Variants in EDEM3 observed in about 807,000 individuals in gnomAD.
The protein encoded by EDEM3 is ER degradation enhancing alpha-mannosidase like protein 3, also known as ER degradation-enhancing alpha-mannosidase-like protein 3.
In EDEM3, 60 loss-of-function variants were observed where a neutral mutation model predicts 110.2. The ratio of observed to expected loss-of-function variants is 0.54; its 90% CI spans 0.44 to 0.67. EDEM3 has a LOEUF of 0.67. Among genes scored for constraint, EDEM3 ranks in the 30% least tolerant of loss-of-function variants. The probability of loss-of-function intolerance (pLI) is 0.00; values close to 1 mark genes in which losing one functional copy is unlikely to be tolerated. For synonymous variants in EDEM3, 352 were observed against 382.9 expected (o/e 0.92, Z 0.94); for missense variants, 996 against 1,121.0 (o/e 0.89, Z 1.59).
chr1:184,702,226 A>G (rs1235877515), intron 19 of EDEM3, among the ~76,000 whole-genome samples: 2 of 152,202 alleles, frequency 1.3e-5, no homozygotes, highest in African/African-American at 2.4e-5. Flanking sequence ...ATTTTGGCCT[A>G]CAGAGGACTA....
intron 19 of EDEM3, among the ~76,000 whole-genome samples, chr1:184,697,490 T>C (rs1298017984): frequency 3.3e-5 from 5 of 151,780 alleles, no homozygotes; most frequent in African/African-American, 9.7e-5. Flanking sequence ...CAGCAAACTT[T>C]TATTATTGGC....
chr1:184,716,942 ACT>A lies in EDEM3; in HGVS notation c.1314_1315del (p.Arg438SerfsTer17), dbSNP rs1369460667. The A allele has an allele frequency of 6.2e-7, 1 of 1,613,218 alleles. No individual in the cohort carries two copies. The highest frequency in any genetic ancestry group is 8.5e-7 in the Non-Finnish European group (1 of 1,179,302). ...CTTCATGGCAGCAAATCCGCAAGGC[ACT>A]CTAGCATATTTATTTAAATTTTCAA... On this transcript the variant is annotated frameshift_variant, in exon 13 of 20. Transcript: ENST00000318130. LOFTEE classifies it high-confidence loss of function.
intron 2 of EDEM3, among the ~76,000 whole-genome samples, chr1:184,738,792 T>C (rs545210581): frequency 2.6e-5 from 4 of 152,310 alleles, no homozygotes; most frequent in South Asian, 2.1e-4. Flanking sequence ...CATCTTTCCA[T>C]TGGTTGCTTT....
chr1:184,748,568 A>G (rs936658041), intron 2 of EDEM3, among the ~76,000 whole-genome samples: 2 of 152,220 alleles, frequency 1.3e-5, no homozygotes, highest in African/African-American at 4.8e-5. Flanking sequence ...ATCATATCCT[A>G]AAAACATTAA....
In EDEM3 at chr1:184,739,859, G is replaced by A. The variant is rs1389166982; in HGVS notation, c.205-2148C>T. Among the ~76,000 whole-genome samples, 9 of 152,248 alleles carry A rather than the reference G, an allele frequency of 5.9e-5. No homozygotes were observed. The South Asian group carries it at 1.7e-3, about 28-fold the overall frequency. On this transcript the variant is annotated intron_variant, in intron 2 of 19. Transcript: ENST00000318130. ...TTTCAAGTACCAAAATTAAACGGTG[G>A]AGTATAGAAGATAAAGCTGCACTGA...
At chr1:184,736,931 G>A in intron 4 of EDEM3, 94 bp downstream of exon 4, 1 of 996,660 alleles carries the variant, frequency 1.0e-6, no homozygotes, top group East Asian at 2.4e-5. Context: ...AATTCTGAAG[G>A]CTTCTATTTC....
chr1:184,705,092 G>C (rs1649843058), intron 18 of EDEM3, among the ~76,000 whole-genome samples: 2 of 151,634 alleles, frequency 1.3e-5, no homozygotes, highest in African/African-American at 4.8e-5. Flanking sequence ...AACAAAAATT[G>C]ACAATTATTG....
intron 19 of EDEM3, among the ~76,000 whole-genome samples, chr1:184,700,803 C>T (rs1649575236): frequency 6.6e-6 from 1 of 151,854 alleles, no homozygotes; most frequent in South Asian, 2.1e-4. Context: ...TTTCATAACA[C>T]TATTACCATT....
rs11358304 is a variant in EDEM3, at chr1:184,690,976, TA to T, written c.*3086del. 59,185 of 152,152 alleles carry T rather than the reference TA, an allele frequency of 0.39. 12,295 individuals carry two copies. The highest frequency in any genetic ancestry group is 0.59 in the East Asian group (3,069 of 5,164). The allele number at this position is 152,152 out of a possible 1,614,324, so 9.4% of individuals were successfully genotyped here. A position where few individuals can be genotyped will look rare whatever the true frequency, so the allele number is the denominator to read the frequency against. On this transcript the variant is annotated 3_prime_UTR_variant, in exon 20 of 20. Transcript: ENST00000318130. ...GAGAGAACAAATGTTGGCTTTACTA[TA>T]AAAAAGGTTGTGTGATGGTAATTTA...
At chr1:184,752,658 TA>T (rs1652831327) in intron 1 of EDEM3, among the ~76,000 whole-genome samples, 1 of 152,210 alleles carries the variant, frequency 6.6e-6, no homozygotes, top group South Asian at 2.1e-4. Context: ...AAGTTTTTAA[TA>T]AAAAATGAAG....
At chr1:184,701,059 T>C (rs576522339) in intron 19 of EDEM3, among the ~76,000 whole-genome samples, 89 of 152,144 alleles carry the variant, frequency 5.8e-4, no homozygotes, top group Non-Finnish European at 7.4e-5. Context: ...GAATTCTTAT[T>C]TTCTGGTAGA....
intron 16 of EDEM3, among the ~76,000 whole-genome samples, chr1:184,709,033 A>T (rs1650086070): frequency 6.6e-6 from 1 of 152,198 alleles, no homozygotes; most frequent in African/African-American, 2.4e-5. Context: ...AAAACCAACA[A>T]GACATGATAG....
intron 2 of EDEM3, among the ~76,000 whole-genome samples, chr1:184,744,249 AATATATATATAT>A (rs55959890): frequency 0.23 from 20,242 of 87,522 alleles, 2,319 homozygotes; most frequent in South Asian, 0.38. Context: ...ACAAATGACA[AATATATATATAT>A]ATATATATAT....
intron 2 of EDEM3, among the ~76,000 whole-genome samples, chr1:184,743,465 T>C (rs1393371283): frequency 6.6e-6 from 1 of 151,934 alleles, no homozygotes; most frequent in Non-Finnish European, 1.5e-5. Flanking sequence ...TGTGCCTAGC[T>C]GAAAGAGCAA....
chr1:184,716,360 T>C (rs767731852), intron 13 of EDEM3, among the ~76,000 whole-genome samples: 25 of 152,178 alleles, frequency 1.6e-4, no homozygotes, highest in Non-Finnish European at 3.2e-4. Flanking sequence ...GTGAATTTCA[T>C]GTGGAGCACT....
At chr1:184,698,412 G>A (rs755292985) in intron 19 of EDEM3, among the ~76,000 whole-genome samples, 3 of 151,750 alleles carry the variant, frequency 2.0e-5, no homozygotes, top group Non-Finnish European at 2.9e-5. Context: ...AATAAATTAT[G>A]GTACAGTGAT....
At chr1:184,751,382 A>C (rs1300775237) in intron 1 of EDEM3, among the ~76,000 whole-genome samples, 1 of 152,164 alleles carries the variant, frequency 6.6e-6, no homozygotes, top group Non-Finnish European at 1.5e-5. Context: ...TAGTGCCTAG[A>C]CATGTATATT....
At chr1:184,753,177 G>A (rs1571436281) in intron 1 of EDEM3, among the ~76,000 whole-genome samples, 1 of 151,070 alleles carries the variant, frequency 6.6e-6, no homozygotes, top group South Asian at 2.1e-4. Context: ...GATAATCTTC[G>A]TTCCACTTTT....
Position 184,754,619 on chromosome 1 carries a change from C to T in EDEM3, c.28G>A (p.Gly10Arg). 1 of 1,600,200 alleles carries T rather than the reference C, an allele frequency of 6.2e-7. No individual in the cohort carries two copies. The highest frequency in any genetic ancestry group is 8.5e-7 in the Non-Finnish European group (1 of 1,173,772). ...CGCGCTCGCTGGGGAACCGGGGACCCACAGCCCCGGCCGCCGGCTTCGCTC... is the reference window on the plus strand; with the variant it reads ...CGCGCTCGCTGGGGAACCGGGGACCTACAGCCCCGGCCGCCGGCTTCGCTC... MSEAGGRGC[G>R]SPVPQRARWR... is the part of the protein sequence containing the mutation. The change falls in exon 1 of 20, where the codon GGG (glycine) becomes AGG (arginine). Residue 10 changes from glycine (G) to arginine (R), a missense_variant. Around this residue, in one of 5 missense-constraint regions of EDEM3, gnomAD observed 200 missense variants for 183.8 expected, o/e 1.09. Coordinates refer to ENST00000318130, the MANE Select transcript of EDEM3 (RefSeq NM_025191.4).
Sources: gnomAD v4.1 joint callset for allele counts (sites outside exome capture counted in the v4.1 genomes callset) on GRCh38, gnomAD v4.1.1 for gene constraint, gnomAD v4.1.1 regional missense constraint, MANE v1.5 for transcripts, NCBI Gene and HGNC (gene_info 2026-07-23, HGNC 2026-07-21) for gene names.